RIMS2: variants seen among roughly 807,000 people sequenced by gnomAD.
RIMS2 encodes regulating synaptic membrane exocytosis 2, also known as regulating synaptic membrane exocytosis protein 2.
In RIMS2, 59 loss-of-function variants were observed where a neutral mutation model predicts 174.4. The observed-to-expected ratio is 0.34, with a 90% confidence interval of 0.27 to 0.42. The LOEUF is 0.42. Ranked by LOEUF, RIMS2 falls within the 10% of genes least tolerant of loss-of-function variation. RIMS2 has a pLI of 1.00. For missense variants in RIMS2, 1,620 were observed against 1,666.3 expected (o/e 0.97, Z 0.48); for synonymous variants, 606 against 572.5 (o/e 1.06, Z -0.84).
chr8:104,047,856 T>G (rs1158276377), intron 19 of RIMS2, among the ~76,000 whole-genome samples: 1 of 152,044 alleles, frequency 6.6e-6, no homozygotes, highest in Non-Finnish European at 1.5e-5. Flanking sequence ...AAAAACATAG[T>G]TGGGTGGAAG....
chr8:103,815,377 A>G (rs757745143), intron 3 of RIMS2, among the ~76,000 whole-genome samples: 8 of 152,024 alleles, frequency 5.3e-5, no homozygotes, highest in Non-Finnish European at 8.8e-5. Flanking sequence ...TCAAGTGTTG[A>G]TTAGTTTTTT....
chr8:103,916,280 T>C lies in RIMS2; in HGVS notation c.1913-134T>C, dbSNP rs1251139436. ...TCAAATTTTGTGTCACTGGAACTGT[T>C]GTTCTCAGTATGTTTCGTATTGTAT... On this transcript the variant is annotated intron_variant, in intron 7 of 23. Coordinates refer to ENST00000504942, the Ensembl canonical transcript of RIMS2. 3.2e-5 allele frequency: 17 copies of C among 528,992 alleles called. No homozygotes were observed. The East Asian group carries it at 4.1e-4, about 13-fold the overall frequency. 32.8% of individuals were successfully genotyped at this position (528,992 alleles called of 1,614,324 possible).
intron 1 of RIMS2, among the ~76,000 whole-genome samples, chr8:103,577,559 AG>A (rs1260778122): frequency 6.6e-6 from 1 of 152,210 alleles, no homozygotes; most frequent in Non-Finnish European, 1.5e-5. Flanking sequence ...GTGTATACCT[AG>A]GTAACAAACC....
At chr8:103,665,562 A>C (rs944418358) in intron 1 of RIMS2, among the ~76,000 whole-genome samples, 3 of 152,212 alleles carry the variant, frequency 2.0e-5, no homozygotes, top group Non-Finnish European at 4.4e-5. Context: ...TAGGTTTGTA[A>C]TCTTTCTCAA....
chr8:103,903,562 T>G (rs2073706480), intron 4 of RIMS2, among the ~76,000 whole-genome samples: 1 of 152,174 alleles, frequency 6.6e-6, no homozygotes, highest in African/African-American at 2.4e-5. Flanking sequence ...TGTTTGTATT[T>G]TACAATAGAA....
intron 3 of RIMS2, among the ~76,000 whole-genome samples, chr8:103,826,601 T>G (rs2098792381): frequency 1.3e-5 from 2 of 151,658 alleles, no homozygotes; most frequent in Admixed American, 6.6e-5. Flanking sequence ...ATAGTAATTT[T>G]GATGTCAGGC....
At chr8:103,801,419 C>T (rs2098607044) in intron 3 of RIMS2, among the ~76,000 whole-genome samples, 9 of 152,098 alleles carry the variant, frequency 5.9e-5, no homozygotes, top group Admixed American at 5.9e-4. Flanking sequence ...TATATTTATT[C>T]TAGGGTTGTC....
At chr8:104,075,175 G>T (rs1307769713) in intron 19 of RIMS2, among the ~76,000 whole-genome samples, 1 of 151,990 alleles carries the variant, frequency 6.6e-6, no homozygotes, top group African/African-American at 2.4e-5. Context: ...CTGCTGCAGC[G>T]TCAGTTCTCA....
Position 103,720,289 on chromosome 8 carries a change from C to G in RIMS2, c.387+22993C>G, listed in dbSNP as rs2097429041. Among the ~76,000 whole-genome samples, 3 of 152,074 alleles carry G rather than the reference C, an allele frequency of 2.0e-5. No homozygotes were observed. In the South Asian group the frequency reaches 6.2e-4, roughly 32 times the overall value. ...TCTTCTAGCTGCTCATTGTTATTCT[C>G]ATATAGAGTTGCAATTTAGCATGTA... On this transcript the variant is annotated intron_variant, in intron 2 of 23. Coordinates refer to ENST00000504942, the Ensembl canonical transcript of RIMS2.
intron 5 of RIMS2, among the ~76,000 whole-genome samples, chr8:103,911,436 T>C (rs2075649784): frequency 6.6e-6 from 1 of 152,272 alleles, no homozygotes; most frequent in South Asian, 2.1e-4. Flanking sequence ...ATGAGAACTG[T>C]AATCTATTCT....
rs117789388 is a variant in RIMS2, at chr8:103,569,466, A to G, written c.176+68404A>G. Reference sequence around the variant, plus strand: ...ATTTAGGGAATATTGCTGTCTTAACAATATTAAGTTTTGTGACTTATGGAC... The same window carrying G: ...ATTTAGGGAATATTGCTGTCTTAACGATATTAAGTTTTGTGACTTATGGAC... On this transcript the variant is annotated intron_variant, in intron 1 of 23. Transcript: ENST00000504942. Among the ~76,000 whole-genome samples the G allele has an allele frequency of 9.6e-3, 1,466 of 152,314 alleles. 15 individuals are homozygous for G. Among genetic ancestry groups the G allele is most frequent in the South Asian group, 0.018 (87 of 4,824 alleles).
At chr8:103,854,920 T>G (rs2099019256) in intron 3 of RIMS2, among the ~76,000 whole-genome samples, 1 of 152,030 alleles carries the variant, frequency 6.6e-6, no homozygotes, top group South Asian at 2.1e-4. Context: ...TTGTAATATT[T>G]TCATTAGGAT....
intron 1 of RIMS2, among the ~76,000 whole-genome samples, chr8:103,644,714 A>T (rs2096291789): frequency 6.6e-6 from 1 of 151,032 alleles, no homozygotes; most frequent in South Asian, 2.1e-4. Flanking sequence ...TAAATATTTT[A>T]AATATTTATA....
At chr8:103,819,222 A>T in intron 3 of RIMS2, 1 of 1,235,194 alleles carries the variant, frequency 8.1e-7, no homozygotes, top group Non-Finnish European at 1.0e-6. Context: ...TCAGCTTCAC[A>T]CTTCAGCTGG....
chr8:104,036,224 C>A (rs1354991096), intron 19 of RIMS2, among the ~76,000 whole-genome samples: 1 of 151,844 alleles, frequency 6.6e-6, no homozygotes, highest in Non-Finnish European at 1.5e-5. Context: ...ATTCTCGGCT[C>A]ACTGCAAGCT....
intron 1 of RIMS2, among the ~76,000 whole-genome samples, chr8:103,666,500 G>A (rs1466807425): frequency 6.6e-6 from 1 of 152,152 alleles, no homozygotes; most frequent in African/African-American, 2.4e-5. Flanking sequence ...AGAACAGTGG[G>A]TTTTGTAAGT....
intron 19 of RIMS2, among the ~76,000 whole-genome samples, chr8:104,126,057 A>G (rs931557133): frequency 6.6e-6 from 1 of 152,172 alleles, no homozygotes; most frequent in African/African-American, 2.4e-5. Flanking sequence ...GATTGAGGCT[A>G]GAAGGTGGAC....
intron 19 of RIMS2, among the ~76,000 whole-genome samples, chr8:104,123,437 A>C (rs2098401969): frequency 6.6e-6 from 1 of 152,056 alleles, no homozygotes; most frequent in Admixed American, 6.6e-5. Context: ...TTTAAGTATG[A>C]AATTTTACAG....
intron 1 of RIMS2, 88 bp downstream of exon 1, chr8:103,501,150 G>GCCGC: frequency 9.4e-7 from 1 of 1,060,012 alleles, no homozygotes; most frequent in East Asian, 3.1e-5. Context: ...GCCCCAGTTC[G>GCCGC]CCGCCCTCCC....
Sources: allele counts gnomAD v4.1 joint callset (sites outside exome capture counted in the v4.1 genomes callset), GRCh38; gene constraint gnomAD v4.1.1; transcripts MANE v1.5; gene names NCBI Gene and HGNC (gene_info 2026-07-23, HGNC 2026-07-21).